NBAS: variants seen among roughly 807,000 people sequenced by gnomAD.
NBAS encodes NAG/BC035112 fusion.
In NBAS, 219 loss-of-function variants were observed where a neutral mutation model predicts 302.5. The ratio of observed to expected loss-of-function variants is 0.72; its 90% CI spans 0.65 to 0.81. NBAS has a LOEUF of 0.81. Among genes scored for constraint, NBAS ranks in the 30% least tolerant of loss-of-function variants. The pLI, the probability that NBAS is intolerant of heterozygous loss-of-function variation, is 0.00. For missense variants in NBAS, 2,932 were observed against 2,841.6 expected, an observed-to-expected ratio of 1.03 and a Z score of -0.72; for synonymous variants, 1,118 against 1,021.6, an observed-to-expected ratio of 1.09 and a Z score of -1.80.
chr2:15,001,376 T>C, the NBAS span, among the ~76,000 whole-genome samples: 2 of 152,174 alleles, frequency 1.3e-5, no homozygotes, highest in African/African-American at 4.8e-5. Context: ...ACACATTTGC[T>C]TGCTATTCCA....
rs564643656 is a variant in NBAS at position 15,443,631 on chromosome 2, T to C, written c.2340-15837A>G. Among the ~76,000 whole-genome samples the C allele has an allele frequency of 5.9e-4, 89 of 150,780 alleles. 2 individuals carry two copies. The highest frequency in any genetic ancestry group is 1.9e-3 in the African/African-American group (79 of 40,912). The stretch of plus-strand genomic sequence containing the variant: ...CCTCTCTCACCACTCCTATTCAACA[T>C]AGTGTTGGAAGTTCTGGCCAGGGCA... On this transcript the variant is annotated intron_variant, in intron 21 of 51. Transcript: ENST00000281513.
At chr2:15,498,750 GCTCTCT>G (rs71400654) in intron 11 of NBAS, among the ~76,000 whole-genome samples, 2 of 148,082 alleles carry the variant, frequency 1.4e-5, no homozygotes, top group African/African-American at 2.5e-5. Context: ...ATTCGTGCTC[GCTCTCT>G]CTCTCTCTCT....
At chr2:15,099,578 TA>T in the NBAS span, among the ~76,000 whole-genome samples, 6 of 151,774 alleles carry the variant, frequency 4.0e-5, no homozygotes, top group African/African-American at 1.5e-4. Context: ...TTATTTACCT[TA>T]AAAAAATAAG....
At chr2:15,042,286 A>T in the NBAS span, among the ~76,000 whole-genome samples, 2 of 152,230 alleles carry the variant, frequency 1.3e-5, no homozygotes, top group African/African-American at 2.4e-5. Context: ...GAACCCCAAA[A>T]GTGACAACGT....
At chr2:15,471,054 C>T (rs1679937785) in intron 16 of NBAS, among the ~76,000 whole-genome samples, 1 of 152,172 alleles carries the variant, frequency 6.6e-6, no homozygotes. Flanking sequence ...GCATAGTGCT[C>T]TTGCTCTTAA....
the NBAS span, among the ~76,000 whole-genome samples, chr2:15,047,616 T>C: frequency 6.6e-6 from 1 of 150,942 alleles, no homozygotes; most frequent in East Asian, 2.0e-4. Flanking sequence ...CCCATGCAGA[T>C]GAAGGCTGGG....
chr2:14,793,583 A>C, the NBAS span, among the ~76,000 whole-genome samples: 1 of 152,130 alleles, frequency 6.6e-6, no homozygotes, highest in African/African-American at 2.4e-5. Flanking sequence ...ATTATGAAAG[A>C]CTGAAGATTT....
intron 13 of NBAS, 131 bp from the exon 14 acceptor site, chr2:15,476,011 A>G (rs1558374362): frequency 4.5e-6 from 3 of 671,074 alleles, no homozygotes; most frequent in Non-Finnish European, 4.9e-6. Context: ...ATGTTAAATA[A>G]TAAGAAAAAA....
the NBAS span, among the ~76,000 whole-genome samples, chr2:14,854,223 A>G: frequency 1.3e-5 from 2 of 151,994 alleles, no homozygotes; most frequent in African/African-American, 4.8e-5. Context: ...CCTACCTTGA[A>G]AGAGAAGGAA....
the NBAS span, among the ~76,000 whole-genome samples, chr2:15,001,023 C>T: frequency 3.9e-5 from 6 of 152,274 alleles, no homozygotes; most frequent in South Asian, 2.1e-4. Context: ...CAGGACAGCA[C>T]GGCACCCCTC....
chr2:15,009,627 C>T, the NBAS span, among the ~76,000 whole-genome samples: 2 of 148,066 alleles, frequency 1.4e-5, no homozygotes, highest in Admixed American at 6.7e-5. Flanking sequence ...CACACACACA[C>T]ACACACACAC....
At chr2:15,432,235 C>T (rs1677800444) in intron 21 of NBAS, among the ~76,000 whole-genome samples, 2 of 151,046 alleles carry the variant, frequency 1.3e-5, no homozygotes, top group Admixed American at 1.3e-4. Context: ...CTATTTTTCC[C>T]CTGCTTGGGA....
chr2:15,315,823 T>C (rs1030156162), intron 38 of NBAS, among the ~76,000 whole-genome samples: 12 of 152,148 alleles, frequency 7.9e-5, no homozygotes, highest in Non-Finnish European at 1.3e-4. Context: ...CTAACTAACA[T>C]GAATTGTAGG....
chr2:15,508,928 G>A (rs1351407298), intron 10 of NBAS, among the ~76,000 whole-genome samples: 6 of 152,100 alleles, frequency 3.9e-5, no homozygotes, highest in East Asian at 3.9e-4. Flanking sequence ...GCTTGAACCC[G>A]GGAGACGGTG....
intron 35 of NBAS, among the ~76,000 whole-genome samples, chr2:15,349,468 T>C (rs540700327): frequency 1.3e-5 from 2 of 152,266 alleles, no homozygotes; most frequent in East Asian, 1.9e-4. Flanking sequence ...CATATCACTC[T>C]AGGACCCTAG....
At chr2:15,479,160 G>T (rs1057492620) in intron 12 of NBAS, among the ~76,000 whole-genome samples, 1 of 151,900 alleles carries the variant, frequency 6.6e-6, no homozygotes, top group African/African-American at 2.4e-5. Context: ...CCACTATTAT[G>T]GTAAATCACT....
intron 48 of NBAS, among the ~76,000 whole-genome samples, chr2:15,205,577 C>T (rs941712244): frequency 2.6e-5 from 4 of 152,036 alleles, no homozygotes; most frequent in African/African-American, 9.7e-5. Context: ...AGAGATATTC[C>T]ATGCCAATGG....
chr2:15,095,057 C>T, the NBAS span, among the ~76,000 whole-genome samples: 2 of 152,154 alleles, frequency 1.3e-5, no homozygotes, highest in African/African-American at 4.8e-5. Context: ...CATGTCTCCG[C>T]CTCTTAGGTT....
chr2:15,074,806 A>C, the NBAS span, among the ~76,000 whole-genome samples: 3 of 152,198 alleles, frequency 2.0e-5, no homozygotes, highest in Non-Finnish European at 4.4e-5. Flanking sequence ...GAGAAAGCCA[A>C]GTAATAGATC....
Sources: allele counts gnomAD v4.1 joint callset (sites outside exome capture counted in the v4.1 genomes callset), GRCh38; gene constraint gnomAD v4.1.1; transcripts MANE v1.5; gene names NCBI Gene and HGNC (gene_info 2026-07-23, HGNC 2026-07-21).